Variants in PACRGL observed in about 807,000 individuals in gnomAD.
PACRGL encodes the protein PACRG-like protein.
Under a neutral mutation model 34.5 loss-of-function variants are expected in PACRGL, and 38 were observed. The observed-to-expected ratio is 1.10, with a 90% CI of 0.85 to 1.44. The LOEUF (loss-of-function observed/expected upper bound fraction) is 1.44, where lower values mean the gene tolerates loss of function less well. PACRGL is among the 40% of genes most tolerant of loss of function. The pLI is 0.00. For synonymous variants in PACRGL, 128 were observed against 100.1 expected (o/e 1.28, Z -1.66); for missense variants, 305 against 281.4 (o/e 1.08, Z -0.60).
downstream of PACRGL, among the ~76,000 whole-genome samples, chr4:20,755,684 G>A (rs1754353145): frequency 6.6e-6 from 1 of 152,204 alleles, no homozygotes; most frequent in African/African-American, 2.4e-5. Flanking sequence ...AATGTTTAAG[G>A]TGTTGCAATT....
chr4:20,720,936 A>G (rs1014701046), intron 7 of PACRGL, among the ~76,000 whole-genome samples: 5 of 151,936 alleles, frequency 3.3e-5, no homozygotes, highest in African/African-American at 1.2e-4. Context: ...ACTTGGTTCC[A>G]TTCTCCCTGT....
chr4:20,706,880 G>T (rs1002776822), intron 3 of PACRGL, among the ~76,000 whole-genome samples: 1 of 152,014 alleles, frequency 6.6e-6, no homozygotes. Flanking sequence ...GGCCAGATAT[G>T]AATCTTTTAT....
chr4:20,702,309 T>G, intron 1 of PACRGL: 1 of 421,772 alleles, frequency 2.4e-6, no homozygotes. Context: ...TTGCTGTGCA[T>G]CGCTTTTATC....
chr4:20,705,370 G>T (rs1275366322), intron 3 of PACRGL, among the ~76,000 whole-genome samples: 1 of 152,168 alleles, frequency 6.6e-6, no homozygotes, highest in African/African-American at 2.4e-5. Context: ...AGGGTGAGAT[G>T]TTAGTGATTT....
intron 8 of PACRGL, among the ~76,000 whole-genome samples, chr4:20,741,073 A>G (rs1226522224): frequency 6.6e-6 from 1 of 152,096 alleles, no homozygotes; most frequent in Non-Finnish European, 1.5e-5. Flanking sequence ...TCATAAAACA[A>G]GTCCTTAGAG....
chr4:20,701,909 AAAAGC>A (rs1444354583), intron 1 of PACRGL: 6 of 456,000 alleles, frequency 1.3e-5, no homozygotes, highest in Non-Finnish European at 2.6e-5. Flanking sequence ...TTTTAAGTGA[AAAAGC>A]AATTGTTTTG....
At chr4:20,749,238 C>A (rs1229320985) in intron 8 of PACRGL, among the ~76,000 whole-genome samples, 1 of 151,852 alleles carries the variant, frequency 6.6e-6, no homozygotes, top group Non-Finnish European at 1.5e-5. Context: ...AATTGTCAGG[C>A]TGGTGAATGT....
upstream of PACRGL, among the ~76,000 whole-genome samples, chr4:20,698,643 C>T (rs185031962): frequency 6.6e-6 from 1 of 152,168 alleles, no homozygotes; most frequent in Non-Finnish European, 1.5e-5. Flanking sequence ...AGCATGTTTT[C>T]TGTTCATTTT....
chr4:20,752,099 C>T (rs12647754), intron 8 of PACRGL, among the ~76,000 whole-genome samples: 1 of 149,404 alleles, frequency 6.7e-6, no homozygotes, highest in African/African-American at 2.5e-5. Flanking sequence ...GCTCTTGTCC[C>T]CCAGGCTGGA....
chr4:20,743,084 T>C (rs1236993250), intron 8 of PACRGL, among the ~76,000 whole-genome samples: 1 of 141,384 alleles, frequency 7.1e-6, no homozygotes, highest in African/African-American at 2.7e-5. Context: ...CACCCTTATG[T>C]GAACTACGAA....
downstream of PACRGL, among the ~76,000 whole-genome samples, chr4:20,735,841 CTTG>C (rs1199714303): frequency 2.6e-5 from 4 of 152,140 alleles, no homozygotes; most frequent in South Asian, 2.1e-4. Flanking sequence ...GGCCAGATTT[CTTG>C]TTGTTATGTA....
At chr4:20,758,481 G>T in the PACRGL span, among the ~76,000 whole-genome samples, 1 of 152,100 alleles carries the variant, frequency 6.6e-6, no homozygotes, top group Non-Finnish European at 1.5e-5. Context: ...AATTTTCAGA[G>T]TTGGGAGAAT....
Position 20,742,027 on chromosome 4 carries a change from T to C in PACRGL, c.*57-10538T>C, listed in dbSNP as rs1238544167. 5.9e-5 allele frequency among the ~76,000 whole-genome samples: 9 copies of C among 152,160 alleles called. 1 individual carries two copies. The South Asian group carries it at 8.3e-4, about 14-fold the overall frequency. On this transcript the variant is annotated intron_variant, in intron 8 of 8. Coordinates refer to the PACRGL transcript ENST00000507634. Reference sequence around the variant, plus strand: ...TCCCAAGACTAAACCAGGAAGAAGTTGAATCCCTGAATAGACCAATAACAG... The same window carrying C: ...TCCCAAGACTAAACCAGGAAGAAGTCGAATCCCTGAATAGACCAATAACAG...
In PACRGL at chr4:20,712,850, T is replaced by G; in HGVS notation, c.429T>G (p.Leu143=). 1 of 1,605,188 alleles carries G rather than the reference T, an allele frequency of 6.2e-7. No individual in the cohort carries two copies. The highest frequency in any genetic ancestry group is 1.7e-4 in the Middle Eastern group (1 of 6,004). Residue 143 remains leucine, a synonymous_variant, in exon 6 of 9, where the codon CTT becomes CTG. Transcript: ENST00000503585. The part of the protein sequence containing the change: ...FVSKEGFREL[L]LVKGAPEKAI... ...CAAAGGAGGGTTTTAGAGAATTACT[T>G]TTGGTCAAAGGTGCTCCTGAAAAAG...
intron 8 of PACRGL, among the ~76,000 whole-genome samples, chr4:20,726,918 T>G (rs975525560): frequency 6.6e-6 from 1 of 152,152 alleles, no homozygotes; most frequent in Non-Finnish European, 1.5e-5. Flanking sequence ...TTTTTAGACA[T>G]GAAACCCATT....
Position 20,730,114 on chromosome 4 carries a change from G to C in PACRGL, c.*2773G>C. ...ACATTTTCAAAGAGCTGCATGGAGC[G>C]CATTATGTTTTCATCCTGTAAGGGA... is the stretch of plus-strand genomic sequence containing the variant. On this transcript the variant is annotated 3_prime_UTR_variant, in exon 9 of 9. Coordinates refer to ENST00000503585, the MANE Select transcript of PACRGL (RefSeq NM_001258345.3). The C allele has an allele frequency of 1.2e-6, 2 of 1,607,830 alleles. No individual in the cohort carries two copies. The highest frequency in any genetic ancestry group is 1.7e-6 in the Non-Finnish European group (2 of 1,177,774).
At chr4:20,719,180 C>T (rs1007500356) in intron 7 of PACRGL, among the ~76,000 whole-genome samples, 1 of 152,054 alleles carries the variant, frequency 6.6e-6, no homozygotes, top group African/African-American at 2.4e-5. Context: ...GGTGATATCC[C>T]TTGTATCATT....
downstream of PACRGL, among the ~76,000 whole-genome samples, chr4:20,756,052 A>T (rs186171246): frequency 1.8e-4 from 28 of 152,124 alleles, no homozygotes; most frequent in African/African-American, 6.7e-4. Context: ...GATCACTCTG[A>T]CTCATTTTAA....
chr4:20,729,891 T>TATGAAA lies in PACRGL; in HGVS notation c.*2552_*2557dup. On this transcript the variant is annotated 3_prime_UTR_variant, in exon 9 of 9. Coordinates refer to ENST00000503585, the MANE Select transcript of PACRGL (RefSeq NM_001258345.3). ...GACCATCCCCTGAACTCAGTGGCAT[T>TATGAAA]ATGAAAAGGATGCAAATTTATAACT... 1.9e-6 allele frequency: 1 copy of TATGAAA among 528,666 alleles called. No individual in the cohort carries two copies. Among genetic ancestry groups the TATGAAA allele is most frequent in the East Asian group, 3.3e-5 (1 of 30,420 alleles). 32.7% of individuals were successfully genotyped at this position (528,666 alleles called of 1,614,324 possible). A position where few individuals can be genotyped will look rare whatever the true frequency, so the allele number is the denominator to read the frequency against.
Sources: allele counts gnomAD v4.1 joint callset (sites outside exome capture counted in the v4.1 genomes callset), GRCh38; gene constraint gnomAD v4.1.1; transcripts MANE v1.5; gene names NCBI Gene and HGNC (gene_info 2026-07-23, HGNC 2026-07-21).